Variants in DLG2 observed in about 807,000 individuals in gnomAD.
DLG2 encodes disks large homolog 2.
Under a neutral mutation model 132.5 loss-of-function variants are expected in DLG2, and 45 were observed. That is an observed-to-expected ratio of 0.34 (90% CI 0.27 to 0.44). The LOEUF is 0.44. DLG2 is among the 20% of genes least tolerant of loss of function. The probability of loss-of-function intolerance (pLI) is 1.00; values close to 1 mark genes in which losing one functional copy is unlikely to be tolerated. For missense variants in DLG2, 1,045 were observed against 1,196.9 expected, an observed-to-expected ratio of 0.87 and a Z score of 1.87; for synonymous variants, 424 against 419.6, an observed-to-expected ratio of 1.01 and a Z score of -0.13.
chr11:84,175,494 T>G (rs956832119), intron 8 of DLG2, among the ~76,000 whole-genome samples: 3 of 152,146 alleles, frequency 2.0e-5, no homozygotes, highest in Non-Finnish European at 4.4e-5. Flanking sequence ...TCCAAAGGCG[T>G]GAACTGCCTT....
At chr11:85,617,541 A>G (rs2081420393) in intron 2 of DLG2, among the ~76,000 whole-genome samples, 1 of 152,218 alleles carries the variant, frequency 6.6e-6, no homozygotes, top group African/African-American at 2.4e-5. Flanking sequence ...TACTTCAAAC[A>G]TGCATCTGGC....
intron 6 of DLG2, among the ~76,000 whole-genome samples, chr11:84,750,250 C>A (rs1334441756): frequency 6.6e-6 from 1 of 152,070 alleles, no homozygotes; most frequent in Non-Finnish European, 1.5e-5. Flanking sequence ...ATTTGCTGCA[C>A]AGATCATCTC....
At chr11:84,818,227 TA>T (rs1566045692) in intron 6 of DLG2, among the ~76,000 whole-genome samples, 2 of 152,022 alleles carry the variant, frequency 1.3e-5, no homozygotes, top group Non-Finnish European at 2.9e-5. Flanking sequence ...ATTCTGTCTC[TA>T]TTTATTACTC....
intron 11 of DLG2, among the ~76,000 whole-genome samples, chr11:84,045,280 T>C (rs2154112943): frequency 6.6e-6 from 1 of 151,850 alleles, no homozygotes; most frequent in Non-Finnish European, 1.5e-5. Context: ...GATAATCCAA[T>C]TTGTTTACCT....
chr11:84,621,726 G>A (rs1253123017), intron 6 of DLG2, among the ~76,000 whole-genome samples: 1 of 152,136 alleles, frequency 6.6e-6, no homozygotes, highest in Non-Finnish European at 1.5e-5. Context: ...CCTGGGCAAA[G>A]CATCCAAGTG....
chr11:84,895,883 A>T (rs1332427870), intron 6 of DLG2, among the ~76,000 whole-genome samples: 2 of 152,178 alleles, frequency 1.3e-5, no homozygotes, highest in Non-Finnish European at 2.9e-5. Context: ...AGTTTATAAC[A>T]ACCTGTCAGT....
chr11:84,276,169 T>C (rs1310304003), intron 7 of DLG2, among the ~76,000 whole-genome samples: 1 of 152,226 alleles, frequency 6.6e-6, no homozygotes, highest in African/African-American at 2.4e-5. Flanking sequence ...TGTTCATAAA[T>C]TCAGTGAAAA....
chr11:85,031,947 CTTTTTTTTTTTTTT>C (rs11389028), intron 6 of DLG2, among the ~76,000 whole-genome samples: 1 of 51,846 alleles, frequency 1.9e-5, no homozygotes, highest in African/African-American at 8.6e-5. Context: ...TGACAACTGG[CTTTTTTTTTTTTTT>C]TTTTTTTTTT....
At chr11:84,100,671 G>T (rs1057036275) in intron 9 of DLG2, among the ~76,000 whole-genome samples, 5 of 151,888 alleles carry the variant, frequency 3.3e-5, no homozygotes, top group Non-Finnish European at 7.4e-5. Flanking sequence ...CTAAATTTAT[G>T]ATCATTTGAT....
chr11:84,803,091 G>T (rs541495918), intron 6 of DLG2, among the ~76,000 whole-genome samples: 17 of 152,256 alleles, frequency 1.1e-4, no homozygotes, highest in African/African-American at 3.6e-4. Flanking sequence ...AAGCCACAGC[G>T]CCCGGCCCTT....
At chr11:85,378,981 G>C (rs1252491889) in intron 3 of DLG2, among the ~76,000 whole-genome samples, 2 of 152,016 alleles carry the variant, frequency 1.3e-5, no homozygotes, top group Non-Finnish European at 2.9e-5. Context: ...TTAAATTGCT[G>C]GTTTTATAAT....
At chr11:85,342,466 C>T (rs2082565798) in intron 3 of DLG2, among the ~76,000 whole-genome samples, 1 of 152,172 alleles carries the variant, frequency 6.6e-6, no homozygotes. Flanking sequence ...CTGTCATCTG[C>T]TTTGATAATA....
chr11:84,925,144 A>G (rs1401648609), intron 6 of DLG2, among the ~76,000 whole-genome samples: 1 of 152,206 alleles, frequency 6.6e-6, no homozygotes, highest in Admixed American at 6.5e-5. Flanking sequence ...AGAAGCTGGG[A>G]AAATGAAATT....
At chr11:84,263,627 T>A (rs2097574878) in intron 7 of DLG2, among the ~76,000 whole-genome samples, 1 of 152,170 alleles carries the variant, frequency 6.6e-6, no homozygotes, top group Non-Finnish European at 1.5e-5. Context: ...ATTGCCTCTA[T>A]CCATTTTCTA....
intron 6 of DLG2, among the ~76,000 whole-genome samples, chr11:85,029,073 G>T (rs2060791822): frequency 6.6e-6 from 1 of 152,152 alleles, no homozygotes; most frequent in Admixed American, 6.5e-5. Flanking sequence ...AATTCTTGGG[G>T]TGGGGATGGT....
chr11:84,072,199 T>C (rs1003932505), intron 10 of DLG2, among the ~76,000 whole-genome samples: 5 of 152,230 alleles, frequency 3.3e-5, no homozygotes, highest in African/African-American at 1.2e-4. Context: ...CCAAAGTACC[T>C]TCACATAACA....
chr11:84,246,853 GA>G (rs1228875000), intron 8 of DLG2, among the ~76,000 whole-genome samples: 1 of 151,896 alleles, frequency 6.6e-6, no homozygotes, highest in Non-Finnish European at 1.5e-5. Context: ...TGATAGAGAA[GA>G]AAAAAATGCT....
intron 20 of DLG2, 124 bp downstream of exon 20, chr11:83,541,558 C>A (rs1324338063): frequency 2.3e-6 from 2 of 883,306 alleles, no homozygotes; most frequent in Non-Finnish European, 3.2e-6. Flanking sequence ...AATTTTCCTG[C>A]AGATTGACTA....
intron 4 of DLG2, among the ~76,000 whole-genome samples, chr11:85,214,028 C>T (rs2082415367): frequency 6.6e-6 from 1 of 152,080 alleles, no homozygotes; most frequent in Middle Eastern, 3.2e-3. Flanking sequence ...TTTTGAATCT[C>T]CTCCTTCTCA....
Sources: gnomAD v4.1 joint callset for allele counts (sites outside exome capture counted in the v4.1 genomes callset) on GRCh38, gnomAD v4.1.1 for gene constraint, MANE v1.5 for transcripts, NCBI Gene and HGNC (gene_info 2026-07-23, HGNC 2026-07-21) for gene names.